Variants in PBX3 observed in about 807,000 individuals in gnomAD.
PBX3 encodes PBX homeobox 3.
In PBX3, 14 loss-of-function variants were observed where a neutral mutation model predicts 48.5. The observed-to-expected ratio is 0.29, with a 90% CI of 0.19 to 0.45. The LOEUF (loss-of-function observed/expected upper bound fraction) is 0.45. Among genes scored for constraint, PBX3 ranks in the 20% least tolerant of loss-of-function variants. The probability of loss-of-function intolerance (pLI) is 1.00; values close to 1 mark genes in which losing one functional copy is unlikely to be tolerated. For missense variants in PBX3, 386 were observed against 546.7 expected, an observed-to-expected ratio of 0.71 and a Z score of 2.93; for synonymous variants, 210 against 200.3, an observed-to-expected ratio of 1.05 and a Z score of -0.41.
intron 2 of PBX3, among the ~76,000 whole-genome samples, chr9:125,849,005 C>T (rs1229614361): frequency 3.9e-5 from 6 of 151,980 alleles, no homozygotes; most frequent in Admixed American, 3.3e-4. Context: ...TTTTGATATA[C>T]CTTTTCTTAT....
At chr9:125,959,267 A>G (rs903786732) in intron 5 of PBX3, among the ~76,000 whole-genome samples, 4 of 152,350 alleles carry the variant, frequency 2.6e-5, no homozygotes, top group African/African-American at 9.6e-5. Context: ...TAGAACAGAA[A>G]CAGCTAGGAA....
chr9:125,937,051 C>T (rs2132533965), intron 5 of PBX3, among the ~76,000 whole-genome samples: 1 of 152,320 alleles, frequency 6.6e-6, no homozygotes, highest in African/African-American at 2.4e-5. Context: ...CTCACAACCA[C>T]TCTCTGACTT....
intron 2 of PBX3, among the ~76,000 whole-genome samples, chr9:125,850,351 A>G (rs2132257751): frequency 6.6e-6 from 1 of 152,184 alleles, no homozygotes; most frequent in Admixed American, 6.6e-5. Context: ...GAGTTTTTGC[A>G]TTGGCAGCCT....
intron 2 of PBX3, among the ~76,000 whole-genome samples, chr9:125,806,679 A>G (rs1207914137): frequency 4.6e-5 from 7 of 152,216 alleles, no homozygotes; most frequent in Non-Finnish European, 1.0e-4. Flanking sequence ...ATGTGTTCAA[A>G]TCATGGCAGT....
chr9:125,778,548 C>T (rs548810659), intron 2 of PBX3, among the ~76,000 whole-genome samples: 5 of 152,012 alleles, frequency 3.3e-5, no homozygotes, highest in East Asian at 1.9e-4. Context: ...TGAGCCACTG[C>T]GCCCGGCCTT....
chr9:125,828,615 A>T (rs1838872390), intron 2 of PBX3, among the ~76,000 whole-genome samples: 1 of 152,204 alleles, frequency 6.6e-6, no homozygotes, highest in Non-Finnish European at 1.5e-5. Context: ...ACCCTCAATT[A>T]GCATATCATG....
At chr9:125,832,407 G>T (rs554368555) in intron 2 of PBX3, among the ~76,000 whole-genome samples, 9 of 152,064 alleles carry the variant, frequency 5.9e-5, no homozygotes, top group African/African-American at 9.7e-5. Flanking sequence ...ATTTTAGCCA[G>T]GATGGTCTCG....
intron 2 of PBX3, among the ~76,000 whole-genome samples, chr9:125,793,677 G>A (rs1235754848): frequency 2.6e-5 from 4 of 151,970 alleles, no homozygotes; most frequent in African/African-American, 9.6e-5. Context: ...TAATCCGCCT[G>A]CCTCGTCCTC....
intron 2 of PBX3, among the ~76,000 whole-genome samples, chr9:125,897,141 G>GTTTTTTTTT (rs371641194): frequency 9.2e-6 from 1 of 108,926 alleles, no homozygotes; most frequent in African/African-American, 3.5e-5. Flanking sequence ...TTCATTTGTG[G>GTTTTTTTTT]TTTTTTTTTT....
At chr9:125,853,817 C>T (rs896841459) in intron 2 of PBX3, among the ~76,000 whole-genome samples, 1 of 152,034 alleles carries the variant, frequency 6.6e-6, no homozygotes, top group African/African-American at 2.4e-5. Flanking sequence ...TTAACATGAA[C>T]ACAATTTAAA....
chr9:125,926,711 T>C (rs1364243064), intron 3 of PBX3, among the ~76,000 whole-genome samples: 2 of 152,122 alleles, frequency 1.3e-5, no homozygotes, highest in South Asian at 2.1e-4. Flanking sequence ...TCCCAGCTAC[T>C]TGGGAGGCTG....
At chr9:125,794,257 A>G (rs913022136) in intron 2 of PBX3, among the ~76,000 whole-genome samples, 1 of 152,230 alleles carries the variant, frequency 6.6e-6, no homozygotes, top group Non-Finnish European at 1.5e-5. Context: ...CAGCATGGCC[A>G]TCACCTGGGA....
intron 2 of PBX3, among the ~76,000 whole-genome samples, chr9:125,832,413 T>C (rs1386682123): frequency 1.3e-5 from 2 of 152,168 alleles, no homozygotes; most frequent in Non-Finnish European, 2.9e-5. Context: ...GCCAGGATGG[T>C]CTCGATCTCC....
intron 5 of PBX3, among the ~76,000 whole-genome samples, chr9:125,947,666 G>A (rs1842095256): frequency 6.6e-6 from 1 of 152,012 alleles, no homozygotes; most frequent in Non-Finnish European, 1.5e-5. Flanking sequence ...TAAGATGATA[G>A]GTTTATACCT....
chr9:125,880,201 C>T (rs768885713), intron 2 of PBX3, among the ~76,000 whole-genome samples: 8 of 152,146 alleles, frequency 5.3e-5, no homozygotes, highest in Non-Finnish European at 8.8e-5. Context: ...TGCACCACCA[C>T]GCCCAACTAA....
At chr9:125,861,393 G>A (rs1839861206) in intron 2 of PBX3, among the ~76,000 whole-genome samples, 1 of 152,090 alleles carries the variant, frequency 6.6e-6, no homozygotes, top group African/African-American at 2.4e-5. Context: ...TACACAGCTG[G>A]TGGGAAAGGA....
intron 2 of PBX3, among the ~76,000 whole-genome samples, chr9:125,773,821 A>G (rs1002687317): frequency 3.9e-5 from 6 of 152,120 alleles, no homozygotes; most frequent in Admixed American, 1.3e-4. Flanking sequence ...TATTTGTTCT[A>G]TTTGCTTGAG....
intron 2 of PBX3, among the ~76,000 whole-genome samples, chr9:125,910,202 T>G (rs1415564943): frequency 6.6e-6 from 1 of 152,176 alleles, no homozygotes; most frequent in Non-Finnish European, 1.5e-5. Flanking sequence ...AAGGTAGATT[T>G]GGGCAGTGAA....
intron 2 of PBX3, among the ~76,000 whole-genome samples, chr9:125,848,150 T>G (rs1839477618): frequency 4.6e-5 from 7 of 152,048 alleles, no homozygotes; most frequent in Admixed American, 4.6e-4. Context: ...GAGAACCAGT[T>G]TAGAGAACAA....
Sources: gnomAD v4.1 joint callset for allele counts (sites outside exome capture counted in the v4.1 genomes callset) on GRCh38, gnomAD v4.1.1 for gene constraint, MANE v1.5 for transcripts, NCBI Gene and HGNC (gene_info 2026-07-23, HGNC 2026-07-21) for gene names.